LRMDA: variants seen among roughly 807,000 people sequenced by gnomAD.
LRMDA encodes leucine rich melanocyte differentiation associated.
LRMDA carries 18 observed loss-of-function variants against 29.8 expected under a neutral mutation model. The ratio of observed to expected loss-of-function variants is 0.60; its 90% CI spans 0.42 to 0.90. LRMDA has a LOEUF of 0.90. LRMDA is among the 40% of genes least tolerant of loss of function. LRMDA has a pLI of 0.00. For synonymous variants in LRMDA, 125 were observed against 109.4 expected, an observed-to-expected ratio of 1.14 and a Z score of -0.89; for missense variants, 273 against 273.9, an observed-to-expected ratio of 1.00 and a Z score of 0.02.
At chr10:76,534,361 A>G (rs11001809) in intron 6 of LRMDA, among the ~76,000 whole-genome samples, 60,637 of 151,898 alleles carry the variant, frequency 0.4, 12,961 homozygotes, top group African/African-American at 0.5. Flanking sequence ...AGCCAATGAA[A>G]TGTTCGTGGA....
chr10:76,293,966 G>A (rs557247508), intron 5 of LRMDA, among the ~76,000 whole-genome samples: 2 of 152,298 alleles, frequency 1.3e-5, no homozygotes, highest in Non-Finnish European at 2.9e-5. Flanking sequence ...GCCACAGTGT[G>A]CACTTGGAGG....
At chr10:76,539,850 T>A (rs146058556) in intron 6 of LRMDA, among the ~76,000 whole-genome samples, 205 of 152,182 alleles carry the variant, frequency 1.3e-3, no homozygotes, top group African/African-American at 4.6e-3. Context: ...GAAACATGAA[T>A]AGGATGGAGC....
At chr10:75,609,999 T>C (rs1841007630) in intron 2 of LRMDA, among the ~76,000 whole-genome samples, 1 of 152,228 alleles carries the variant, frequency 6.6e-6, no homozygotes, top group African/African-American at 2.4e-5. Context: ...TAGTATATTC[T>C]AGGACTGCAA....
intron 2 of LRMDA, among the ~76,000 whole-genome samples, chr10:75,855,734 T>C (rs1175248624): frequency 6.6e-6 from 1 of 152,228 alleles, no homozygotes; most frequent in Non-Finnish European, 1.5e-5. Flanking sequence ...CTTGAATTAA[T>C]TTTTGTATAA....
At chr10:76,170,056 T>C (rs1372133860) in intron 5 of LRMDA, among the ~76,000 whole-genome samples, 5 of 152,188 alleles carry the variant, frequency 3.3e-5, no homozygotes, top group Non-Finnish European at 7.3e-5. Flanking sequence ...AGGATTGGAC[T>C]ACAGACTTTG....
intron 2 of LRMDA, among the ~76,000 whole-genome samples, chr10:75,513,202 C>G (rs1365855623): frequency 3.3e-5 from 5 of 152,150 alleles, no homozygotes; most frequent in African/African-American, 1.2e-4. Context: ...TTTTTTCCCC[C>G]ACTCCGGTGT....
At chr10:76,514,371 G>A (rs1315018123) in intron 6 of LRMDA, among the ~76,000 whole-genome samples, 1 of 152,182 alleles carries the variant, frequency 6.6e-6, no homozygotes, top group Admixed American at 6.5e-5. Flanking sequence ...CAGTTGTCAG[G>A]TGGTTGCTTA....
In LRMDA at chr10:75,513,201, C is replaced by T. The variant is rs560103502; in HGVS notation, c.131+74707C>T. 9.9e-5 allele frequency among the ~76,000 whole-genome samples: 15 copies of T among 152,222 alleles called. No homozygotes were observed. The South Asian group carries it at 2.7e-3, about 27-fold the overall frequency. On this transcript the variant is annotated intron_variant, in intron 2 of 6. Coordinates refer to ENST00000611255, the MANE Select transcript of LRMDA (RefSeq NM_001305581.2). ...TTTGTGATTGAAGGAGTTTTTTCCCCCACTCCGGTGTAACAAACTTCAGGG... is the reference window on the plus strand; with the variant it reads ...TTTGTGATTGAAGGAGTTTTTTCCCTCACTCCGGTGTAACAAACTTCAGGG...
chr10:76,225,720 A>AT (rs1159719369), intron 5 of LRMDA, among the ~76,000 whole-genome samples: 2,336 of 143,148 alleles, frequency 0.016, 33 homozygotes, highest in South Asian at 0.07. Flanking sequence ...TTATTTATTT[A>AT]TTATTATATA....
intron 5 of LRMDA, among the ~76,000 whole-genome samples, chr10:76,240,668 C>T (rs1852256440): frequency 6.6e-6 from 1 of 150,800 alleles, no homozygotes; most frequent in South Asian, 2.1e-4. Context: ...GAAAATGATA[C>T]TTGAACATGC....
intron 2 of LRMDA, among the ~76,000 whole-genome samples, chr10:75,481,438 G>A (rs1367720703): frequency 6.6e-6 from 1 of 152,140 alleles, no homozygotes; most frequent in Non-Finnish European, 1.5e-5. Context: ...TTTAGCGGTA[G>A]GGAGGTAGGT....
intron 5 of LRMDA, among the ~76,000 whole-genome samples, chr10:76,077,555 G>A (rs1256810693): frequency 6.6e-6 from 1 of 152,112 alleles, no homozygotes; most frequent in Non-Finnish European, 1.5e-5. Context: ...GGTCATGCTA[G>A]AAGGAAGGAA....
intron 5 of LRMDA, among the ~76,000 whole-genome samples, chr10:76,195,758 A>G (rs1401497838): frequency 3.9e-5 from 6 of 152,234 alleles, no homozygotes; most frequent in Admixed American, 2.6e-4. Flanking sequence ...CAAAATGGAA[A>G]AACAAAATAG....
In LRMDA at chr10:75,644,771, A is replaced by G. The variant is rs558832533; in HGVS notation, c.131+206277A>G. Among the ~76,000 whole-genome samples, 197 of 152,284 alleles carry G rather than the reference A, an allele frequency of 1.3e-3. 1 individual carries two copies. Among genetic ancestry groups the G allele is most frequent in the African/African-American group, 4.4e-3 (183 of 41,546 alleles). ...TCTCTAGTTTATTAAATACGTGGCTAGAGGTCCTGGAAAGGATGTAAACCT... is the reference window on the plus strand; with the variant it reads ...TCTCTAGTTTATTAAATACGTGGCTGGAGGTCCTGGAAAGGATGTAAACCT... On this transcript the variant is annotated intron_variant, in intron 2 of 6. Transcript: ENST00000611255.
At chr10:75,870,063 A>G (rs1845083173) in intron 2 of LRMDA, among the ~76,000 whole-genome samples, 1 of 152,176 alleles carries the variant, frequency 6.6e-6, no homozygotes, top group African/African-American at 2.4e-5. Context: ...GTCCTAAGGA[A>G]GGGACAAACT....
At chr10:75,730,616 T>C (rs1045467223) in intron 2 of LRMDA, among the ~76,000 whole-genome samples, 7 of 152,312 alleles carry the variant, frequency 4.6e-5, no homozygotes, top group South Asian at 2.1e-4. Flanking sequence ...CACTCCATCA[T>C]TGAAGGAAAT....
intron 2 of LRMDA, among the ~76,000 whole-genome samples, chr10:75,544,611 C>A (rs140667159): frequency 6.6e-6 from 1 of 152,242 alleles, no homozygotes; most frequent in African/African-American, 2.4e-5. Context: ...ACCTTAAGCA[C>A]TGGGGCAAGA....
intron 2 of LRMDA, among the ~76,000 whole-genome samples, chr10:75,514,515 G>C (rs1228880750): frequency 6.6e-6 from 1 of 152,010 alleles, no homozygotes; most frequent in Non-Finnish European, 1.5e-5. Context: ...GTTGAAATTT[G>C]GTCCCCAGTG....
At chr10:76,215,356 G>A (rs1589379707) in intron 5 of LRMDA, among the ~76,000 whole-genome samples, 1 of 152,124 alleles carries the variant, frequency 6.6e-6, no homozygotes, top group Non-Finnish European at 1.5e-5. Context: ...TGCAAGGCAC[G>A]TGTTCAGCTA....
Sources: gnomAD v4.1 joint callset for allele counts (sites outside exome capture counted in the v4.1 genomes callset) on GRCh38, gnomAD v4.1.1 for gene constraint, MANE v1.5 for transcripts, NCBI Gene and HGNC (gene_info 2026-07-23, HGNC 2026-07-21) for gene names.